The following CREB1 variants were observed in gnomAD, a reference collection of about 807,000 sequenced individuals.
CREB1 encodes cyclic AMP-responsive element-binding protein 1.
In CREB1, 2 loss-of-function variants were observed where a neutral mutation model predicts 42.0. The ratio of observed to expected loss-of-function variants is 0.05; its 90% CI spans 0.02 to 0.15. The LOEUF is 0.15. Ranked by LOEUF, CREB1 falls within the 10% of genes least tolerant of loss-of-function variation. The pLI is 1.00. For missense variants in CREB1, 199 were observed against 388.9 expected, an observed-to-expected ratio of 0.51 and a Z score of 4.11; for synonymous variants, 123 against 139.9, an observed-to-expected ratio of 0.88 and a Z score of 0.85.
Position 207,602,476 on chromosome 2 carries a change from T to C in CREB1, c.*5418T>C, listed in dbSNP as rs578063065. 6.1e-4 allele frequency: 124 copies of C among 203,130 alleles called. No homozygotes were observed. The highest frequency in any genetic ancestry group is 2.4e-3 in the African/African-American group (106 of 43,764). The allele number at this position is 203,130 out of a possible 1,614,324, so 12.6% of individuals were successfully genotyped here. On this transcript the variant is annotated 3_prime_UTR_variant, in exon 8 of 8. Coordinates refer to ENST00000353267, the MANE Select transcript of CREB1 (RefSeq NM_004379.5). ...GATCAAAGAGTAGGAAATTCACATT[T>C]GACCTAACATTACTTGCCTATAGAA...
chr2:207,572,477 T>C (rs1418147111), intron 5 of CREB1, among the ~76,000 whole-genome samples: 4 of 152,224 alleles, frequency 2.6e-5, no homozygotes, highest in Admixed American at 6.5e-5. Flanking sequence ...CACATAGTTA[T>C]ATATTTTGTT....
chr2:207,533,365 T>G (rs1394439226), intron 1 of CREB1, among the ~76,000 whole-genome samples: 1 of 152,196 alleles, frequency 6.6e-6, no homozygotes, highest in African/African-American at 2.4e-5. Flanking sequence ...TTTATTTCTC[T>G]CTCATTCTAA....
chr2:207,559,304 A>T, intron 2 of CREB1: 1 of 980,296 alleles, frequency 1.0e-6, no homozygotes, highest in Non-Finnish European at 1.2e-6. Flanking sequence ...TTAAATTCAC[A>T]TTCTTCCCTG....
At chr2:207,587,426 CAA>C (rs2084081252) in intron 7 of CREB1, among the ~76,000 whole-genome samples, 1 of 149,686 alleles carries the variant, frequency 6.7e-6, no homozygotes, top group African/African-American at 2.4e-5. Context: ...AAAAAACACA[CAA>C]AAAATAAAAG....
chr2:207,532,115 G>A (rs1000953406), intron 1 of CREB1, among the ~76,000 whole-genome samples: 1 of 152,048 alleles, frequency 6.6e-6, no homozygotes, highest in Non-Finnish European at 1.5e-5. Context: ...CAGCACTTGG[G>A]GGGTCGAGGC....
intron 1 of CREB1, among the ~76,000 whole-genome samples, chr2:207,538,867 A>G (rs2080980627): frequency 6.6e-6 from 1 of 152,200 alleles, no homozygotes; most frequent in Non-Finnish European, 1.5e-5. Flanking sequence ...TTGTAACTGT[A>G]TGACAGTACA....
rs978281482 is a variant in CREB1, at chr2:207,602,523, G to A, written c.*5465G>A. On this transcript the variant is annotated 3_prime_UTR_variant, in exon 8 of 8. Coordinates refer to ENST00000353267, the MANE Select transcript of CREB1 (RefSeq NM_004379.5). ...AGAAGTATGGCATTTCCAAGCTTTT[G>A]TCTGAGGAGCATCTCAGAGAAGTGA... 1.4e-5 allele frequency: 3 copies of A among 209,244 alleles called. No individual in the cohort carries two copies. In the Admixed American group the frequency reaches 1.8e-4, roughly 12 times the overall value. 13.0% of individuals were successfully genotyped at this position (209,244 alleles called of 1,614,324 possible).
At chr2:207,542,121 G>T (rs2081122074) in intron 1 of CREB1, among the ~76,000 whole-genome samples, 1 of 152,116 alleles carries the variant, frequency 6.6e-6, no homozygotes, top group Non-Finnish European at 1.5e-5. Context: ...TGAAAATGCT[G>T]CCATAAACAT....
chr2:207,588,583 G>A (rs999323592), intron 7 of CREB1, among the ~76,000 whole-genome samples: 2 of 151,832 alleles, frequency 1.3e-5, no homozygotes, highest in Admixed American at 1.3e-4. Context: ...AGTTAGGATT[G>A]TGTTGTGTCT....
rs1222836366 is a variant in CREB1, at chr2:207,604,297, C to T, written c.*7239C>T. Among the ~76,000 whole-genome samples, 2 of 152,206 alleles carry T rather than the reference C, an allele frequency of 1.3e-5. No individual in the cohort carries two copies. The highest frequency in any genetic ancestry group is 4.8e-5 in the African/African-American group (2 of 41,458). ...TCGCCACTGAAGACTTAACATATGT[C>T]TTTTACACTCAGGTTGCAAAACACA... On this transcript the variant is annotated 3_prime_UTR_variant, in exon 8 of 8. Coordinates refer to ENST00000353267, the MANE Select transcript of CREB1 (RefSeq NM_004379.5).
chr2:207,562,814 T>C (rs1157241142), intron 3 of CREB1, among the ~76,000 whole-genome samples: 1 of 152,212 alleles, frequency 6.6e-6, no homozygotes, highest in East Asian at 1.9e-4. Flanking sequence ...TTCCAAAATA[T>C]ACAAGGTACA....
chr2:207,543,996 T>C (rs2081202119), intron 1 of CREB1, among the ~76,000 whole-genome samples: 1 of 152,172 alleles, frequency 6.6e-6, no homozygotes. Context: ...CTCAGCTCAC[T>C]GCAAGCTCTG....
chr2:207,562,344 C>G (rs1416413356), intron 3 of CREB1, among the ~76,000 whole-genome samples: 1 of 152,140 alleles, frequency 6.6e-6, no homozygotes, highest in African/African-American at 2.4e-5. Context: ...GTTACAGCCA[C>G]AAAATTTGCT....
At chr2:207,547,465 A>T (rs2106405090) in intron 1 of CREB1, among the ~76,000 whole-genome samples, 1 of 152,304 alleles carries the variant, frequency 6.6e-6, no homozygotes, top group East Asian at 1.9e-4. Context: ...TGTCAAAGTA[A>T]CTGTATGTAG....
intron 3 of CREB1, among the ~76,000 whole-genome samples, chr2:207,561,733 T>A (rs888111355): frequency 6.6e-6 from 1 of 152,220 alleles, no homozygotes; most frequent in African/African-American, 2.4e-5. Flanking sequence ...AGCGCTGTTA[T>A]GTTTTCTTTA....
At chr2:207,534,670 T>G (rs1243735922) in intron 1 of CREB1, 1 of 152,186 alleles carries the variant, frequency 6.6e-6, no homozygotes, top group Non-Finnish European at 1.5e-5. Flanking sequence ...GAAAAAGGGA[T>G]CACCTTTGGT....
chr2:207,561,725 C>T (rs971050790), intron 3 of CREB1, among the ~76,000 whole-genome samples: 8 of 152,064 alleles, frequency 5.3e-5, no homozygotes, highest in Non-Finnish European at 8.8e-5. Flanking sequence ...TCTGGGTGAG[C>T]GCTGTTATGT....
At chr2:207,580,858 G>C (rs2082877716) in intron 7 of CREB1, 1 of 219,712 alleles carries the variant, frequency 4.6e-6, no homozygotes, top group Non-Finnish European at 9.1e-6. Flanking sequence ...GGGCTAGATA[G>C]AGCAGCACGT....
chr2:207,566,120 G>A (rs997075757), intron 3 of CREB1, among the ~76,000 whole-genome samples: 34 of 151,960 alleles, frequency 2.2e-4, no homozygotes, highest in Admixed American at 2.1e-3. Context: ...GTTTGGATGG[G>A]GCAAATTACT....
Sources: gnomAD v4.1 joint callset for allele counts (sites outside exome capture counted in the v4.1 genomes callset) on GRCh38, gnomAD v4.1.1 for gene constraint, MANE v1.5 for transcripts, NCBI Gene and HGNC (gene_info 2026-07-23, HGNC 2026-07-21) for gene names.